Variants in EYS observed in about 807,000 individuals in gnomAD.
The protein encoded by EYS is protein eyes shut homolog.
A neutral mutation model predicts 282.1 loss-of-function variants in EYS; 250 were observed. The ratio of observed to expected loss-of-function variants is 0.89; its 90% CI spans 0.80 to 0.98. The LOEUF is 0.98. EYS is among the 50% of genes least tolerant of loss of function. The probability of loss-of-function intolerance (pLI) is 0.00; values close to 1 mark genes in which losing one functional copy is unlikely to be tolerated. For synonymous variants in EYS, 1,355 were observed against 1,282.9 expected, an observed-to-expected ratio of 1.06 and a Z score of -1.20; for missense variants, 4,016 against 3,709.0, an observed-to-expected ratio of 1.08 and a Z score of -2.15.
chr6:64,994,838 C>G (rs553637459), intron 14 of EYS, among the ~76,000 whole-genome samples: 9 of 151,920 alleles, frequency 5.9e-5, no homozygotes, highest in Non-Finnish European at 1.2e-4. Flanking sequence ...TATTCATACA[C>G]AAAAAGGCAA....
At chr6:64,933,869 A>G (rs1562264905) in intron 15 of EYS, among the ~76,000 whole-genome samples, 1 of 152,204 alleles carries the variant, frequency 6.6e-6, no homozygotes, top group Admixed American at 6.5e-5. Flanking sequence ...ATTATCAGCA[A>G]ACCAACACAG....
At chr6:64,130,558 A>T (rs1237925330) in intron 31 of EYS, among the ~76,000 whole-genome samples, 1 of 152,122 alleles carries the variant, frequency 6.6e-6, no homozygotes, top group Admixed American at 6.5e-5. Flanking sequence ...GCACACCAAC[A>T]TGGCACATAT....
At position 64,005,629 on chromosome 6, in the gene EYS, G is replaced by A. The variant is rs559561750; in HGVS notation, c.6726-6446C>T. The stretch of plus-strand genomic sequence containing the variant: ...TTTACATTTAAGTCTTTAATCCATC[G>A]TGAGTTGACTTTTATACATAGTGTA... On this transcript the variant is annotated intron_variant, in intron 33 of 42. Transcript: ENST00000503581. Among the ~76,000 whole-genome samples, 6 of 152,090 alleles carry A rather than the reference G, an allele frequency of 3.9e-5. No homozygotes were observed. In the South Asian group the frequency reaches 1.2e-3, roughly 32 times the overall value.
intron 26 of EYS, among the ~76,000 whole-genome samples, chr6:64,586,825 C>T (rs1343354919): frequency 1.3e-5 from 2 of 151,914 alleles, no homozygotes; most frequent in Non-Finnish European, 2.9e-5. Context: ...TTTTCCTATC[C>T]ATTGCTATTT....
intron 26 of EYS, among the ~76,000 whole-genome samples, chr6:64,450,596 C>A (rs1775294636): frequency 6.6e-6 from 1 of 152,172 alleles, no homozygotes; most frequent in Non-Finnish European, 1.5e-5. Context: ...AAATTGACCA[C>A]ATACTTGGAA....
chr6:64,837,991 CTT>C (rs1184988478), intron 19 of EYS, among the ~76,000 whole-genome samples: 2 of 151,594 alleles, frequency 1.3e-5, no homozygotes, highest in African/African-American at 4.8e-5. Context: ...ACTTATATCT[CTT>C]AAATTTATAC....
intron 22 of EYS, among the ~76,000 whole-genome samples, chr6:64,803,911 G>A (rs753578038): frequency 2.0e-5 from 3 of 152,188 alleles, no homozygotes; most frequent in Non-Finnish European, 4.4e-5. Flanking sequence ...GGCTCTCCAG[G>A]GCCCCCAGAG....
intron 5 of EYS, among the ~76,000 whole-genome samples, chr6:65,443,212 C>CAT: frequency 6.6e-6 from 1 of 151,648 alleles, no homozygotes; most frequent in Non-Finnish European, 1.5e-5. Flanking sequence ...TATATGTATG[C>CAT]ATCATATACA....
chr6:64,630,081 A>AT (rs565733399), intron 22 of EYS, among the ~76,000 whole-genome samples: 296 of 151,610 alleles, frequency 2.0e-3, no homozygotes, highest in Non-Finnish European at 2.1e-3. Context: ...TTATTCTGAG[A>AT]TTTTTTTTGT....
At chr6:65,680,897 C>A (rs1768790071) in intron 1 of EYS, among the ~76,000 whole-genome samples, 1 of 151,912 alleles carries the variant, frequency 6.6e-6, no homozygotes, top group African/African-American at 2.4e-5. Context: ...TTCTCACACT[C>A]TACCTTGATG....
At chr6:65,394,560 C>T (rs919334352) in intron 7 of EYS, among the ~76,000 whole-genome samples, 7 of 152,076 alleles carry the variant, frequency 4.6e-5, no homozygotes, top group Non-Finnish European at 8.8e-5. Flanking sequence ...AAATGTCTAT[C>T]GAGCTCTGTG....
intron 10 of EYS, among the ~76,000 whole-genome samples, chr6:65,340,238 T>A (rs970912968): frequency 6.6e-6 from 1 of 151,152 alleles, no homozygotes; most frequent in African/African-American, 2.4e-5. Context: ...TAATAATATA[T>A]AATTTCATAA....
chr6:64,265,697 T>C (rs573538842), intron 30 of EYS, among the ~76,000 whole-genome samples: 11 of 152,122 alleles, frequency 7.2e-5, no homozygotes, highest in Admixed American at 3.9e-4. Context: ...TCATTACCAA[T>C]TGTGACTTTT....
chr6:65,301,100 C>T (rs1355273614), intron 11 of EYS, among the ~76,000 whole-genome samples: 1 of 152,164 alleles, frequency 6.6e-6, no homozygotes. Context: ...AGTGGCTTCC[C>T]CTCTGCTACC....
chr6:64,382,083 T>C (rs897942110), intron 29 of EYS, among the ~76,000 whole-genome samples: 3 of 152,206 alleles, frequency 2.0e-5, no homozygotes, highest in Non-Finnish European at 4.4e-5. Context: ...GCAGCAATAT[T>C]GAACAGCCCC....
intron 12 of EYS, among the ~76,000 whole-genome samples, chr6:65,101,240 A>G (rs1020678475): frequency 3.3e-5 from 5 of 151,158 alleles, no homozygotes; most frequent in Non-Finnish European, 7.4e-5. Flanking sequence ...GAACGAGGCA[A>G]TATAATATTG....
intron 2 of EYS, among the ~76,000 whole-genome samples, chr6:65,524,748 T>C (rs909479358): frequency 6.6e-6 from 1 of 152,210 alleles, no homozygotes; most frequent in African/African-American, 2.4e-5. Flanking sequence ...TGTAAGCCCA[T>C]GAATGGTAGT....
chr6:65,093,835 C>T (rs1774644132), intron 12 of EYS, among the ~76,000 whole-genome samples: 1 of 151,364 alleles, frequency 6.6e-6, no homozygotes, highest in Admixed American at 6.6e-5. Flanking sequence ...ACATAGAGTG[C>T]CTGAATAGAT....
intron 13 of EYS, among the ~76,000 whole-genome samples, chr6:65,017,541 A>G (rs998324183): frequency 6.6e-6 from 1 of 152,194 alleles, no homozygotes; most frequent in Non-Finnish European, 1.5e-5. Context: ...GTGAGAGTCA[A>G]TAAAGCAGCC....
Sources: allele counts gnomAD v4.1 joint callset (sites outside exome capture counted in the v4.1 genomes callset), GRCh38; gene constraint gnomAD v4.1.1; transcripts MANE v1.5; gene names NCBI Gene and HGNC (gene_info 2026-07-23, HGNC 2026-07-21).